The following PC variants were observed in gnomAD, a reference collection of about 807,000 sequenced individuals.
The protein encoded by PC is pyruvate carboxylase.
A neutral mutation model predicts 107.8 loss-of-function variants in PC; 46 were observed. The observed-to-expected ratio is 0.43, with a 90% CI of 0.34 to 0.55. The LOEUF is 0.55. Among genes scored for constraint, PC ranks in the 20% least tolerant of loss-of-function variants. The pLI, the probability that PC is intolerant of heterozygous loss-of-function variation, is 0.04. For synonymous variants in PC, 662 were observed against 684.7 expected (o/e 0.97, Z 0.52); for missense variants, 1,241 against 1,643.1 (o/e 0.76, Z 4.23).
At chr11:66,892,098 A>C (rs543430299) in intron 3 of PC, among the ~76,000 whole-genome samples, 2 of 152,220 alleles carry the variant, frequency 1.3e-5, no homozygotes, top group Admixed American at 1.3e-4. Flanking sequence ...AAGTTATAGG[A>C]AGAGGAAGGG....
At chr11:66,876,885 A>C (rs1947000620) in intron 3 of PC, among the ~76,000 whole-genome samples, 1 of 152,220 alleles carries the variant, frequency 6.6e-6, no homozygotes, top group African/African-American at 2.4e-5. Flanking sequence ...AAGCACAGCA[A>C]CAAGACAGCA....
chr11:66,941,797 C>T (rs1211454152), intron 3 of PC, among the ~76,000 whole-genome samples: 1 of 151,830 alleles, frequency 6.6e-6, no homozygotes, highest in Non-Finnish European at 1.5e-5. Context: ...TGGCCCCCAT[C>T]ATTCAGCCTT....
intron 3 of PC, among the ~76,000 whole-genome samples, chr11:66,890,901 T>C (rs1246505920): frequency 1.3e-5 from 2 of 152,154 alleles, no homozygotes; most frequent in African/African-American, 2.4e-5. Context: ...GAGTTCATTA[T>C]ACTATTTGCT....
intron 3 of PC, among the ~76,000 whole-genome samples, chr11:66,901,719 C>T (rs550777080): frequency 2.0e-5 from 3 of 152,190 alleles, no homozygotes; most frequent in South Asian, 2.1e-4. Flanking sequence ...GTGATCCGCC[C>T]GCCTCAGCCT....
chr11:66,849,527 A>G, intron 21 of PC, 84 bp downstream of exon 21: 2 of 1,610,530 alleles, frequency 1.2e-6, no homozygotes, highest in Non-Finnish European at 1.7e-6. Flanking sequence ...AAAGCTTGCG[A>G]GGCTGGGTGA....
rs532907164 is a variant in PC, at chr11:66,852,221, C to T, written c.1825+218G>A. Among the ~76,000 whole-genome samples the T allele has an allele frequency of 2.0e-5, 3 of 152,362 alleles. No individual in the cohort carries two copies. Among genetic ancestry groups the T allele is most frequent in the South Asian group, 4.1e-4 (2 of 4,826 alleles). On this transcript the variant is annotated intron_variant, in intron 15 of 22. Coordinates refer to ENST00000393960, the MANE Select transcript of PC (RefSeq NM_001040716.2). This position sits in a 1 kb window ranked among gnomAD's most constrained non-coding sequence, Gnocchi z 4.7. ...TATAATTAACAGGCAGGTGTCTCCT[C>T]CTGACCCTGGACCTCCCAGGATGCA...
chr11:66,857,603 G>A lies in PC; in HGVS notation c.1369-4220C>T. 2.3e-6 allele frequency: 2 copies of A among 857,890 alleles called. No individual in the cohort carries two copies. Among genetic ancestry groups the A allele is most frequent in the Non-Finnish European group, 3.5e-6 (2 of 574,698 alleles). The allele number at this position is 857,890 out of a possible 1,614,324, so 53.1% of individuals were successfully genotyped here. A position where few individuals can be genotyped will look rare whatever the true frequency, so the allele number is the denominator to read the frequency against. On this transcript the variant is annotated intron_variant, in intron 12 of 22. Coordinates refer to ENST00000393960, the MANE Select transcript of PC (RefSeq NM_001040716.2). The surrounding 1 kb of genome is among the most constrained non-coding windows in gnomAD (Gnocchi z 7.1). ...GCCCCAACCTTCCCTCATCTCTGGCGGCCCTCTTGGGCCTCTGACCCAGCC... is the reference window on the plus strand; with the variant it reads ...GCCCCAACCTTCCCTCATCTCTGGCAGCCCTCTTGGGCCTCTGACCCAGCC...
intron 3 of PC, among the ~76,000 whole-genome samples, chr11:66,943,795 C>T (rs191642232): frequency 0.021 from 2,522 of 117,782 alleles, 106 homozygotes; most frequent in African/African-American, 0.077. Flanking sequence ...AGAAATTTCT[C>T]AACATGGTGA....
In PC at chr11:66,914,309, C is replaced by T. The variant is rs535511402; in HGVS notation, c.-1+38121G>A. Among the ~76,000 whole-genome samples, 60 of 152,166 alleles carry T rather than the reference C, an allele frequency of 3.9e-4. No homozygotes were observed. In the East Asian group the frequency reaches 0.01, roughly 26 times the overall value. ...GGCGGATCACCTGAGGTCAGGAGTT[C>T]GAGACCAGCCTGGCCAATATGGTGA... On this transcript the variant is annotated intron_variant, in intron 3 of 22. Coordinates refer to ENST00000393960, the MANE Select transcript of PC (RefSeq NM_001040716.2).
chr11:66,851,673 G>A, intron 16 of PC, 117 bp downstream of exon 16: 1 of 1,090,992 alleles, frequency 9.2e-7, no homozygotes, highest in Non-Finnish European at 1.4e-6. Context: ...CCTGCTGCGT[G>A]TGGCCACAGA....
Position 66,873,434 on chromosome 11 carries a change from TA to T in PC, c.1-1276del, listed in dbSNP as rs1297013702. On this transcript the variant is annotated intron_variant, in intron 3 of 22. Coordinates refer to ENST00000393960, the MANE Select transcript of PC (RefSeq NM_001040716.2). ...AATATATATAATATATTATATATAT[TA>T]TATATTATATTATATATAAAATATA... is the stretch of plus-strand genomic sequence containing the variant. Among the ~76,000 whole-genome samples the T allele has an allele frequency of 5.0e-3, 430 of 85,560 alleles. 3 individuals carry two copies. Among genetic ancestry groups the T allele is most frequent in the African/African-American group, 0.016 (312 of 19,332 alleles). 56.1% of individuals were successfully genotyped at this position (85,560 alleles called of 152,430 possible).
chr11:66,936,301 A>T (rs1949002753), intron 3 of PC, among the ~76,000 whole-genome samples: 2 of 152,030 alleles, frequency 1.3e-5, no homozygotes, highest in African/African-American at 2.4e-5. Flanking sequence ...AAAATGAAAT[A>T]AAAAAACTAT....
Position 66,852,476 on chromosome 11 carries a change from G to A in PC, c.1788C>T (p.His596=), listed in dbSNP as rs1317553751. ...CCATGCTGAAGAGCTTGCTGAAGTT[G>A]TGGGCAACATAGGGGGCGATCTTTT... The part of the protein sequence containing the change: ...DLKKIAPYVA[H]NFSKLFSMEN... Residue 596 remains histidine, a synonymous_variant, in exon 15 of 23, where the codon CAC becomes CAT. Coordinates refer to ENST00000393960, the MANE Select transcript of PC (RefSeq NM_001040716.2). This position sits in a 1 kb window ranked among gnomAD's most constrained non-coding sequence, Gnocchi z 4.7. 3 of 1,613,956 alleles carry A rather than the reference G, an allele frequency of 1.9e-6. No homozygotes were observed. The highest frequency in any genetic ancestry group is 2.7e-5 in the African/African-American group (2 of 74,934).
chr11:66,862,494 A>G (rs1489606140), intron 12 of PC, among the ~76,000 whole-genome samples: 1 of 152,204 alleles, frequency 6.6e-6, no homozygotes, highest in Non-Finnish European at 1.5e-5. Context: ...AAGAAGCTGC[A>G]AGGAGGACAC....
At chr11:66,902,782 C>A (rs1454558955) in intron 3 of PC, among the ~76,000 whole-genome samples, 1 of 152,208 alleles carries the variant, frequency 6.6e-6, no homozygotes, top group African/African-American at 2.4e-5. Context: ...ACAGCCCTTC[C>A]CCCAGGCTAA....
chr11:66,880,400 G>A (rs937997980), intron 3 of PC, among the ~76,000 whole-genome samples: 1 of 152,200 alleles, frequency 6.6e-6, no homozygotes, highest in Non-Finnish European at 1.5e-5. Context: ...CCCCAAAGCC[G>A]AAGGGAGCAG....
intron 11 of PC, among the ~76,000 whole-genome samples, chr11:66,864,779 G>A (rs564229905): frequency 2.0e-5 from 3 of 152,350 alleles, no homozygotes; most frequent in Admixed American, 2.0e-4. Flanking sequence ...GGCTCGTGCC[G>A]CCTGCACCTG....
intron 3 of PC, among the ~76,000 whole-genome samples, chr11:66,894,388 C>G (rs958637092): frequency 6.6e-6 from 1 of 152,218 alleles, no homozygotes; most frequent in African/African-American, 2.4e-5. Context: ...CCAGCTTTTG[C>G]CCATGCAAGT....
At chr11:66,855,722 G>C (rs1029853873) in intron 12 of PC, among the ~76,000 whole-genome samples, 3 of 152,246 alleles carry the variant, frequency 2.0e-5, no homozygotes, top group Non-Finnish European at 4.4e-5. Context: ...GGCCCAGTGA[G>C]TGGTGACAGA....
Sources: gnomAD v4.1 joint callset for allele counts (sites outside exome capture counted in the v4.1 genomes callset) on GRCh38, gnomAD v4.1.1 for gene constraint, Gnocchi (gnomAD v3.1) non-coding constraint, MANE v1.5 for transcripts, NCBI Gene and HGNC (gene_info 2026-07-23, HGNC 2026-07-21) for gene names.